PHC2: variants seen among roughly 807,000 people sequenced by gnomAD.
PHC2 encodes the protein polyhomeotic-like protein 2.
In PHC2, 29 loss-of-function variants were observed where a neutral mutation model predicts 87.4. That is an observed-to-expected ratio of 0.33 (90% CI 0.25 to 0.45). The LOEUF is 0.45. Among genes scored for constraint, PHC2 ranks in the 20% least tolerant of loss-of-function variants. PHC2 has a pLI of 1.00. For synonymous variants in PHC2, 438 were observed against 461.7 expected (o/e 0.95, Z 0.66); for missense variants, 857 against 1,136.7 (o/e 0.75, Z 3.54).
intron 3 of PHC2, among the ~76,000 whole-genome samples, chr1:33,372,051 C>T (rs1647879213): frequency 6.6e-6 from 1 of 152,220 alleles, no homozygotes; most frequent in Admixed American, 6.5e-5. Flanking sequence ...GAGGGGCTCC[C>T]CGGCACTTCT....
intron 1 of PHC2, among the ~76,000 whole-genome samples, chr1:33,408,205 T>C (rs1649839807): frequency 6.6e-6 from 1 of 152,224 alleles, no homozygotes; most frequent in Non-Finnish European, 1.5e-5. Flanking sequence ...GATGGAAAGC[T>C]GGAGAGGGAG....
intron 1 of PHC2, among the ~76,000 whole-genome samples, chr1:33,423,459 G>A (rs1650511189): frequency 6.6e-6 from 1 of 152,096 alleles, no homozygotes; most frequent in African/African-American, 2.4e-5. Flanking sequence ...AGACGGATGT[G>A]TCCTACACTG....
At chr1:33,413,098 C>T (rs1003987563) in intron 1 of PHC2, among the ~76,000 whole-genome samples, 1 of 152,200 alleles carries the variant, frequency 6.6e-6, no homozygotes, top group South Asian at 2.1e-4. Context: ...TCCCAAGTAG[C>T]TGGGATTATA....
At chr1:33,348,731 G>T (rs954795280) in intron 9 of PHC2, among the ~76,000 whole-genome samples, 1 of 152,192 alleles carries the variant, frequency 6.6e-6, no homozygotes, top group Admixed American at 6.5e-5. Context: ...TGTAAGGGAA[G>T]AAAAAGATGA....
At position 33,349,737 on chromosome 1, in the gene PHC2, G is replaced by T; in HGVS notation, c.1558+4664C>A. 1 of 994,942 alleles carries T rather than the reference G, an allele frequency of 1.0e-6. No homozygotes were observed. The highest frequency in any genetic ancestry group is 1.2e-6 in the Non-Finnish European group (1 of 835,122). The allele number at this position is 994,942 out of a possible 1,614,324, so 61.6% of individuals were successfully genotyped here. ...CCGAGCCGGGGCCCGGGGCTGCCGC[G>T]GCGCATCCGACCGCACCGGCCTGGC... On this transcript the variant is annotated intron_variant, in intron 9 of 14. Coordinates refer to ENST00000683057, the MANE Select transcript of PHC2 (RefSeq NM_001385109.1). The surrounding 1 kb of genome is among the most constrained non-coding windows in gnomAD (Gnocchi z 4.2).
At position 33,324,987 on chromosome 1, in the gene PHC2, G is replaced by C. The variant is rs1216698518; in HGVS notation, c.2458C>G (p.Gln820Glu). 1 of 1,613,534 alleles carries C rather than the reference G, an allele frequency of 6.2e-7. No individual in the cohort carries two copies. The highest frequency in any genetic ancestry group is 1.7e-5 in the Admixed American group (1 of 59,954). The part of the protein sequence containing the change: ...CQEIAEEFRA[Q>E]EIDGQALLLL... The stretch of plus-strand genomic sequence containing the variant: ...AGCAGGGCTTGCCCGTCGATTTCCT[G>C]GGCACGGAATTCCTCTGCTATCTCC... The change falls in exon 15 of 15, where the codon CAG becomes GAG. Residue 820 changes from glutamine (Q) to glutamate (E), a missense_variant. Transcript: ENST00000683057.
At chr1:33,381,569 T>A (rs1648493212) in intron 1 of PHC2, among the ~76,000 whole-genome samples, 1 of 151,900 alleles carries the variant, frequency 6.6e-6, no homozygotes. Context: ...GAGAAATATA[T>A]CTAAGCAATT....
chr1:33,369,187 G>A lies in PHC2; in HGVS notation c.577-565C>T, dbSNP rs1245638565. ...ACAACAACAGCAGAGGAAGCGGACC[G>A]CCTGGAGCCGTCCTCATGTCTGAAT... is the stretch of plus-strand genomic sequence containing the variant. On this transcript the variant is annotated intron_variant, in intron 5 of 14. Transcript: ENST00000683057. The surrounding 1 kb of genome is among the most constrained non-coding windows in gnomAD (Gnocchi z 4.7). Among the ~76,000 whole-genome samples, 1 of 152,204 alleles carries A rather than the reference G, an allele frequency of 6.6e-6. No individual in the cohort carries two copies. The highest frequency in any genetic ancestry group is 1.5e-5 in the Non-Finnish European group (1 of 68,038).
intron 14 of PHC2, 36 bp downstream of exon 14, chr1:33,328,834 T>A: frequency 6.4e-7 from 1 of 1,569,330 alleles, no homozygotes; most frequent in Non-Finnish European, 8.7e-7. Context: ...CTTTCCTTGC[T>A]ATTCCGGGGA....
chr1:33,395,195 C>T (rs1557844138), intron 1 of PHC2, among the ~76,000 whole-genome samples: 1 of 151,854 alleles, frequency 6.6e-6, no homozygotes, highest in African/African-American at 2.4e-5. Context: ...AAGCCTTATA[C>T]AAGGGTACAT....
intron 7 of PHC2, among the ~76,000 whole-genome samples, chr1:33,357,041 G>C (rs1390005339): frequency 6.6e-6 from 1 of 152,250 alleles, no homozygotes; most frequent in Admixed American, 6.5e-5. Flanking sequence ...GATTGTCTTT[G>C]CACAGATCAC....
intron 1 of PHC2, among the ~76,000 whole-genome samples, chr1:33,377,572 T>C (rs1262712125): frequency 6.6e-6 from 1 of 152,054 alleles, no homozygotes; most frequent in Non-Finnish European, 1.5e-5. Context: ...TTCTTAAAAA[T>C]CCTCATTTCT....
At position 33,431,051 on chromosome 1, in the gene PHC2, T is replaced by C. The variant is rs925296500; in HGVS notation, c.-130A>G. The C allele has an allele frequency of 7.3e-5, 11 of 151,360 alleles. No individual in the cohort carries two copies. Among genetic ancestry groups the C allele is most frequent in the African/African-American group, 2.7e-4 (11 of 41,346 alleles). The allele number at this position is 151,360 out of a possible 1,614,324, so 9.4% of individuals were successfully genotyped here. On this transcript the variant is annotated 5_prime_UTR_variant, in exon 1 of 15. Transcript: ENST00000683057. ...CCGCCCCTCAGCCCGCCCCCTCGGCTCGGCGCCGCGCACCCTGCTGGCTGC... is the reference window on the plus strand; with the variant it reads ...CCGCCCCTCAGCCCGCCCCCTCGGCCCGGCGCCGCGCACCCTGCTGGCTGC...
chr1:33,387,434 G>A (rs139468222), intron 1 of PHC2, among the ~76,000 whole-genome samples: 4 of 152,298 alleles, frequency 2.6e-5, no homozygotes, highest in African/African-American at 7.2e-5. Flanking sequence ...GACTGCCAGG[G>A]ATAGATGGGG....
chr1:33,421,435 C>T (rs996246698), intron 1 of PHC2, among the ~76,000 whole-genome samples: 7 of 152,116 alleles, frequency 4.6e-5, no homozygotes, highest in Non-Finnish European at 8.8e-5. Context: ...AAAATGGATG[C>T]ATTCTCTACA....
chr1:33,420,772 G>A (rs1029657031), intron 1 of PHC2, among the ~76,000 whole-genome samples: 1 of 151,988 alleles, frequency 6.6e-6, no homozygotes, highest in African/African-American at 2.4e-5. Flanking sequence ...ACCACACCTG[G>A]CTTATTTTTA....
chr1:33,421,855 C>A (rs1650447281), intron 1 of PHC2, among the ~76,000 whole-genome samples: 1 of 152,210 alleles, frequency 6.6e-6, no homozygotes, highest in Non-Finnish European at 1.5e-5. Flanking sequence ...TGGTCTCACT[C>A]CTGCCCAAAC....
rs190047219 is a variant in PHC2, at chr1:33,381,329, A to G, written c.-54-5736T>C. Among the ~76,000 whole-genome samples, 9 of 152,202 alleles carry G rather than the reference A, an allele frequency of 5.9e-5. No individual in the cohort carries two copies. The East Asian group carries it at 1.7e-3, about 29-fold the overall frequency. On this transcript the variant is annotated intron_variant, in intron 1 of 14. Transcript: ENST00000683057. Reference sequence around the variant, plus strand: ...TGAATAAAATTGCTTGAAATGCACCATACTCCATCCTACTCCTCATCTGAA... The same window carrying G: ...TGAATAAAATTGCTTGAAATGCACCGTACTCCATCCTACTCCTCATCTGAA...
In PHC2 at chr1:33,382,576, C is replaced by G. The variant is rs553989445; in HGVS notation, c.-54-6983G>C. On this transcript the variant is annotated intron_variant, in intron 1 of 14. Transcript: ENST00000683057. This position sits in a 1 kb window ranked among gnomAD's most constrained non-coding sequence, Gnocchi z 4.3. ...GTCTGTTTTTCTCTGGGTTCCTACT[C>G]ACTGTGTGGTTTTGTATGAGCCCGG... 6.6e-6 allele frequency among the ~76,000 whole-genome samples: 1 copy of G among 152,246 alleles called. No individual in the cohort carries two copies. The highest frequency in any genetic ancestry group is 1.5e-5 in the Non-Finnish European group (1 of 68,016).
Sources: allele counts gnomAD v4.1 joint callset (sites outside exome capture counted in the v4.1 genomes callset), GRCh38; gene constraint gnomAD v4.1.1; non-coding constraint Gnocchi (gnomAD v3.1); transcripts MANE v1.5; gene names NCBI Gene and HGNC (gene_info 2026-07-23, HGNC 2026-07-21).